Variants in DNAJB14 observed in about 807,000 individuals in gnomAD.
DNAJB14 encodes DnaJ heat shock protein family (Hsp40) member B14.
In DNAJB14, 22 loss-of-function variants were observed where a neutral mutation model predicts 48.4. The ratio of observed to expected loss-of-function variants is 0.45; its 90% CI spans 0.32 to 0.65. The LOEUF (loss-of-function observed/expected upper bound fraction) is 0.65. Ranked by LOEUF, DNAJB14 falls within the 30% of genes least tolerant of loss-of-function variation. The pLI is 0.03. For synonymous variants in DNAJB14, 142 were observed against 158.7 expected (o/e 0.89, Z 0.79); for missense variants, 319 against 458.8 (o/e 0.70, Z 2.78).
rs139825261 is a variant in DNAJB14, at chr4:99,914,153, G to A, written c.452-5257C>T. ...AGAACAGCAGCAAGACATTCATGAG[G>A]GATCTGCCCCCATAACACAAACACT... On this transcript the variant is annotated intron_variant, in intron 3 of 7. Coordinates refer to ENST00000442697, the MANE Select transcript of DNAJB14 (RefSeq NM_001031723.4). 8.4e-3 allele frequency among the ~76,000 whole-genome samples: 1,283 copies of A among 152,186 alleles called. 10 individuals are homozygous for A. Among genetic ancestry groups the A allele is most frequent in the African/African-American group, 0.028 (1,182 of 41,498 alleles).
At chr4:99,916,616 C>T (rs1407499504) in intron 3 of DNAJB14, among the ~76,000 whole-genome samples, 4 of 152,060 alleles carry the variant, frequency 2.6e-5, no homozygotes, top group African/African-American at 9.7e-5. Flanking sequence ...GTTTCTTGAA[C>T]ATTTTTTAGA....
At chr4:99,907,726 G>A (rs1221926277) in intron 4 of DNAJB14, among the ~76,000 whole-genome samples, 2 of 152,030 alleles carry the variant, frequency 1.3e-5, no homozygotes, top group Non-Finnish European at 2.9e-5. Context: ...ATAATATTCA[G>A]AGAGGGCCAC....
intron 2 of DNAJB14, chr4:99,924,785 C>T (rs767483148): frequency 1.2e-6 from 2 of 1,606,334 alleles, no homozygotes; most frequent in African/African-American, 1.3e-5. Context: ...GGTCCACCAT[C>T]CCATATCAAT....
chr4:99,923,121 A>G lies in DNAJB14; in HGVS notation c.370T>C (p.Leu124=), dbSNP rs1447301353. The change falls in exon 3 of 8, where the codon TTG becomes CTG. Residue 124 remains leucine (L), a synonymous_variant. Coordinates refer to ENST00000442697, the MANE Select transcript of DNAJB14 (RefSeq NM_001031723.4). ...GVTKDAGDED[L]KKAYRKLALK... ...GCAAGCTTTCTATAAGCTTTTTTCA[A>G]ATCTTCATCACCAGCATCTTTCGTA... 6.2e-7 allele frequency: 1 copy of G among 1,612,624 alleles called. No homozygotes were observed. The highest frequency in any genetic ancestry group is 8.5e-7 in the Non-Finnish European group (1 of 1,179,324).
chr4:99,899,101 T>C lies in DNAJB14; in HGVS notation c.*1927A>G, dbSNP rs1725213329. 1 of 151,938 alleles carries C rather than the reference T, an allele frequency of 6.6e-6. No homozygotes were observed. The highest frequency in any genetic ancestry group is 1.5e-5 in the Non-Finnish European group (1 of 67,808). The allele number at this position is 151,938 out of a possible 1,614,324, so 9.4% of individuals were successfully genotyped here. Reference sequence around the variant, plus strand: ...GTATGACTTTATAATATATACTTTATGGTATCACTTAACTTTGTACAATAA... The same window carrying C: ...GTATGACTTTATAATATATACTTTACGGTATCACTTAACTTTGTACAATAA... On this transcript the variant is annotated 3_prime_UTR_variant, in exon 8 of 8. Coordinates refer to ENST00000442697, the MANE Select transcript of DNAJB14 (RefSeq NM_001031723.4).
At chr4:99,940,648 A>AAAAATC (rs1398668622) in intron 1 of DNAJB14, among the ~76,000 whole-genome samples, 1 of 150,574 alleles carries the variant, frequency 6.6e-6, no homozygotes, top group Non-Finnish European at 1.5e-5. Flanking sequence ...TCCCCTTCCA[A>AAAAATC]CCCTCCCCCA....
chr4:99,936,183 C>T (rs956891265), intron 1 of DNAJB14, among the ~76,000 whole-genome samples: 2 of 152,012 alleles, frequency 1.3e-5, no homozygotes, highest in African/African-American at 4.8e-5. Flanking sequence ...CATAAAAGCT[C>T]GATTTTATGT....
Position 99,946,497 on chromosome 4 carries a change from C to T in DNAJB14, c.75G>A (p.Glu25=). The change falls in exon 1 of 8, where the codon GAG becomes GAA. Residue 25 remains glutamate (E), a synonymous_variant. Coordinates refer to ENST00000442697, the MANE Select transcript of DNAJB14 (RefSeq NM_001031723.4). ...CCTTCTGCAGGAAGCGCTGGGCCTT[C>T]TCGCGGTTGCCGGCGTTCAGGGCCT... ...AREALNAGNR[E]KAQRFLQKAE... is the part of the protein sequence containing the mutation. The T allele has an allele frequency of 3.7e-6, 6 of 1,613,848 alleles. No homozygotes were observed. The highest frequency in any genetic ancestry group is 5.1e-6 in the Non-Finnish European group (6 of 1,179,814).
intron 3 of DNAJB14, among the ~76,000 whole-genome samples, chr4:99,918,520 T>A (rs1725938176): frequency 6.6e-6 from 1 of 152,202 alleles, no homozygotes; most frequent in South Asian, 2.1e-4. Context: ...TATTTACATA[T>A]TTTGTTTTTA....
chr4:99,929,600 T>C (rs1726386430), intron 2 of DNAJB14: 1 of 151,984 alleles, frequency 6.6e-6, no homozygotes, highest in Non-Finnish European at 1.5e-5. Context: ...AATAAAAAGT[T>C]GAGAATGGGG....
intron 1 of DNAJB14, among the ~76,000 whole-genome samples, chr4:99,933,311 T>TG (rs976578827): frequency 6.9e-6 from 1 of 144,434 alleles, no homozygotes; most frequent in African/African-American, 2.6e-5. Flanking sequence ...GTCTTTTTTT[T>TG]TTTTTTTTTT....
chr4:99,903,960 C>A, intron 6 of DNAJB14, 62 bp from the exon 7 acceptor site: 2 of 1,488,594 alleles, frequency 1.3e-6, no homozygotes, highest in Admixed American at 2.2e-5. Flanking sequence ...CTGCTATAAA[C>A]CAAGCAAACA....
intron 1 of DNAJB14, among the ~76,000 whole-genome samples, chr4:99,933,303 CTTTTTTTTTTT>C (rs759298582): frequency 3.4e-5 from 3 of 88,776 alleles, no homozygotes; most frequent in African/African-American, 1.3e-4. Context: ...CATAAACAGT[CTTTTTTTTTTT>C]TTTTTTTTTT....
At position 99,898,651 on chromosome 4, in the gene DNAJB14, T is replaced by C. The variant is rs1725200942; in HGVS notation, c.*2377A>G. The stretch of plus-strand genomic sequence containing the variant: ...ATAAATATAAGTGCTGCTAAACTGT[T>C]AGAATACCAGTTAGAGGAGCTAATA... On this transcript the variant is annotated 3_prime_UTR_variant, in exon 8 of 8. Transcript: ENST00000442697. The C allele has an allele frequency of 6.6e-6, 1 of 151,956 alleles. No individual in the cohort carries two copies. The highest frequency in any genetic ancestry group is 2.4e-5 in the African/African-American group (1 of 41,432). The allele number at this position is 151,956 out of a possible 1,614,324, so 9.4% of individuals were successfully genotyped here.
chr4:99,901,060 C>T lies in DNAJB14; in HGVS notation c.1108G>A (p.Glu370Lys), dbSNP rs1367133266. 6.2e-7 allele frequency: 1 copy of T among 1,610,664 alleles called. No homozygotes were observed. The highest frequency in any genetic ancestry group is 8.5e-7 in the Non-Finnish European group (1 of 1,179,104). The change falls in exon 8 of 8, where the codon GAG (glutamate) becomes AAG (lysine). Residue 370 changes from glutamate to lysine, a missense_variant. This residue lies in a region of DNAJB14 where 166 missense variants were observed against 236.3 expected (regional missense o/e 0.70). Transcript: ENST00000442697. ...CCTTTATAAAGACTGGTAAGCCGCT[C>T]TAATTCTTTACAGTTGTCCATGCTC... ...ALSMDNCKEL[E>K]RLTSLYKGG
chr4:99,926,950 A>C (rs189420477), intron 2 of DNAJB14: 1 of 152,210 alleles, frequency 6.6e-6, no homozygotes, highest in Admixed American at 6.5e-5. Context: ...CATTCACCTA[A>C]GTTTTCACAC....
At chr4:99,943,553 C>A (rs1726954128) in intron 1 of DNAJB14, among the ~76,000 whole-genome samples, 1 of 152,140 alleles carries the variant, frequency 6.6e-6, no homozygotes, top group African/African-American at 2.4e-5. Flanking sequence ...AAATGCTTTA[C>A]CTGTATTAAC....
At position 99,930,533 on chromosome 4, in the gene DNAJB14, C is replaced by A; in HGVS notation, c.222G>T (p.Lys74Asn). The A allele has an allele frequency of 1.2e-6, 2 of 1,613,404 alleles. No homozygotes were observed. The highest frequency in any genetic ancestry group is 1.7e-6 in the Non-Finnish European group (2 of 1,179,616). ...RKPSGSGDQS[K>N]PNCTKDSTSG... ...ATGTGCTGTCCTTTGTGCAATTAGGCTTGCTTTGATCGCCACTACCTGATG... is the reference window on the plus strand; with the variant it reads ...ATGTGCTGTCCTTTGTGCAATTAGGATTGCTTTGATCGCCACTACCTGATG... The change falls in exon 2 of 8, where the codon AAG (lysine) becomes AAT (asparagine). Residue 74 changes from lysine to asparagine, a missense_variant. By Grantham distance (94) the Lys-to-Asn change is moderately conservative. Coordinates refer to ENST00000442697, the MANE Select transcript of DNAJB14 (RefSeq NM_001031723.4).
At chr4:99,916,201 C>T (rs1007976509) in intron 3 of DNAJB14, among the ~76,000 whole-genome samples, 11 of 152,178 alleles carry the variant, frequency 7.2e-5, no homozygotes, top group African/African-American at 2.4e-4. Context: ...TGCAGTGGCA[C>T]AATCACAGGT....
Sources: gnomAD v4.1 joint callset for allele counts (sites outside exome capture counted in the v4.1 genomes callset) on GRCh38, gnomAD v4.1.1 for gene constraint, gnomAD v4.1.1 regional missense constraint, MANE v1.5 for transcripts, NCBI Gene and HGNC (gene_info 2026-07-23, HGNC 2026-07-21) for gene names.